Variants in LYN observed in about 807,000 individuals in gnomAD.
LYN encodes the protein LYN proto-oncogene, Src family tyrosine kinase.
Under a neutral mutation model 65.0 loss-of-function variants are expected in LYN, and 12 were observed. The ratio of observed to expected loss-of-function variants is 0.18; its 90% CI spans 0.12 to 0.30. LYN has a LOEUF of 0.30. LYN is among the 10% of genes least tolerant of loss of function. The pLI is 1.00. For missense variants in LYN, 380 were observed against 623.2 expected, an observed-to-expected ratio of 0.61 and a Z score of 4.16; for synonymous variants, 222 against 221.2, an observed-to-expected ratio of 1.00 and a Z score of -0.03.
chr8:55,942,391 A>T (rs369245450), intron 2 of LYN, among the ~76,000 whole-genome samples: 1 of 123,808 alleles, frequency 8.1e-6, no homozygotes, highest in African/African-American at 3.5e-5. Context: ...GTATATATAT[A>T]TGTGTATATA....
At position 55,948,031 on chromosome 8, in the gene LYN, T is replaced by C. The variant is rs148845334; in HGVS notation, c.284+308T>C. Among the ~76,000 whole-genome samples, 25 of 152,288 alleles carry C rather than the reference T, an allele frequency of 1.6e-4. No homozygotes were observed. In the East Asian group the frequency reaches 4.2e-3, roughly 26 times the overall value. On this transcript the variant is annotated intron_variant, in intron 4 of 12. Coordinates refer to ENST00000519728, the MANE Select transcript of LYN (RefSeq NM_002350.4). ...CTCTGTCATCCAGGCTAGAATGCAGTGGCATGATCATAGCTCACTGCAGCC... is the reference window on the plus strand; with the variant it reads ...CTCTGTCATCCAGGCTAGAATGCAGCGGCATGATCATAGCTCACTGCAGCC...
chr8:55,971,667 A>G (rs936357822), intron 10 of LYN, among the ~76,000 whole-genome samples: 2 of 152,254 alleles, frequency 1.3e-5, no homozygotes, highest in Non-Finnish European at 2.9e-5. Context: ...TTATTTTGTC[A>G]CATGGGTATT....
chr8:55,981,944 A>G (rs549641428), intron 10 of LYN, among the ~76,000 whole-genome samples: 1 of 152,214 alleles, frequency 6.6e-6, no homozygotes, highest in Non-Finnish European at 1.5e-5. Flanking sequence ...CGGCAGATGC[A>G]TTCTGCTTAA....
intron 1 of LYN, among the ~76,000 whole-genome samples, chr8:55,882,684 A>G (rs948727765): frequency 2.0e-5 from 3 of 152,200 alleles, no homozygotes; most frequent in African/African-American, 7.2e-5. Flanking sequence ...ATGATGGTGA[A>G]GGTGTTAGCA....
intron 10 of LYN, among the ~76,000 whole-genome samples, chr8:55,976,479 C>T (rs1041640598): frequency 2.0e-5 from 3 of 152,280 alleles, no homozygotes; most frequent in East Asian, 1.9e-4. Flanking sequence ...TGGTGTGGCC[C>T]GCTCCCTTTC....
intron 12 of LYN, among the ~76,000 whole-genome samples, chr8:56,004,374 A>G (rs1323963642): frequency 1.3e-5 from 2 of 149,538 alleles, no homozygotes; most frequent in Non-Finnish European, 3.0e-5. Flanking sequence ...GCTCACTGCA[A>G]CCTCCACCTC....
At position 55,940,521 on chromosome 8, in the gene LYN, G is replaced by A. The variant is rs554283094; in HGVS notation, c.-5-1334G>A. ...CTCCCGAGTAGCTGGGACTACAGGC[G>A]TGTGCCACCACGCCCAGCTAATTTT... On this transcript the variant is annotated intron_variant, in intron 1 of 12. Transcript: ENST00000519728. Among the ~76,000 whole-genome samples the A allele has an allele frequency of 7.4e-4, 113 of 152,224 alleles. 1 individual carries two copies. The East Asian group carries it at 0.015, about 21-fold the overall frequency.
At chr8:55,986,414 T>G (rs1808074563) in intron 10 of LYN, among the ~76,000 whole-genome samples, 1 of 152,212 alleles carries the variant, frequency 6.6e-6, no homozygotes, top group South Asian at 2.1e-4. Context: ...CCCAAAGACA[T>G]AGTTCAGTGA....
Position 55,952,069 on chromosome 8 carries a change from A to C in LYN, c.591A>C (p.Pro197=). 6.2e-7 allele frequency: 1 copy of C among 1,606,522 alleles called. No homozygotes were observed. Among genetic ancestry groups the C allele is most frequent in the African/African-American group, 1.3e-5 (1 of 74,506 alleles). The change falls in exon 7 of 13, where the codon CCA becomes CCC. Residue 197 remains proline (P), a synonymous_variant. Transcript: ENST00000519728. ...ATAATGGGGGCTATTACATCTCTCC[A>C]CGAATCACTTTTCCCTGTATCAGCG... is the stretch of plus-strand genomic sequence containing the variant. ...SLDNGGYYIS[P]RITFPCISDM...
At chr8:56,007,182 T>G (rs1228988278) in intron 12 of LYN, among the ~76,000 whole-genome samples, 1 of 152,246 alleles carries the variant, frequency 6.6e-6, no homozygotes, top group Non-Finnish European at 1.5e-5. Context: ...GAAAGAGATA[T>G]TCCAAACTGA....
chr8:55,996,973 T>C (rs755713431), intron 10 of LYN, among the ~76,000 whole-genome samples: 10 of 151,760 alleles, frequency 6.6e-5, no homozygotes, highest in Non-Finnish European at 1.5e-4. Context: ...ATACAAAAAC[T>C]AGCATGGTGA....
At chr8:55,924,552 C>T (rs56136409) in intron 1 of LYN, among the ~76,000 whole-genome samples, 4,258 of 151,460 alleles carry the variant, frequency 0.028, 123 homozygotes, top group African/African-American at 0.072. Flanking sequence ...TTAGTAGAAA[C>T]GGGGTTTCAC....
chr8:56,003,647 C>G (rs1808593187), intron 12 of LYN, among the ~76,000 whole-genome samples: 1 of 150,402 alleles, frequency 6.6e-6, no homozygotes, highest in African/African-American at 2.5e-5. Flanking sequence ...GCACTCCAGC[C>G]TGAGCTACAA....
At chr8:55,897,015 C>G (rs1279333047) in intron 1 of LYN, among the ~76,000 whole-genome samples, 1 of 152,190 alleles carries the variant, frequency 6.6e-6, no homozygotes, top group Non-Finnish European at 1.5e-5. Flanking sequence ...GCTGGAATTA[C>G]AGGCATGAGC....
intron 1 of LYN, among the ~76,000 whole-genome samples, chr8:55,908,365 C>T (rs1056381754): frequency 1.3e-5 from 2 of 151,970 alleles, no homozygotes; most frequent in African/African-American, 4.8e-5. Flanking sequence ...CTGCTGTGGC[C>T]TCCCAAGTAG....
intron 10 of LYN, among the ~76,000 whole-genome samples, chr8:55,996,220 T>C (rs1808369635): frequency 6.6e-6 from 1 of 151,552 alleles, no homozygotes; most frequent in South Asian, 2.1e-4. Flanking sequence ...CCATCTAGGG[T>C]GAGTAAAGGG....
intron 1 of LYN, among the ~76,000 whole-genome samples, chr8:55,881,018 A>G (rs138672337): frequency 6.6e-6 from 1 of 152,228 alleles, no homozygotes; most frequent in Non-Finnish European, 1.5e-5. Context: ...TTCTGGCTGT[A>G]TATTTAGGGG....
intron 8 of LYN, 26 bp downstream of exon 8, chr8:55,954,010 G>A: frequency 6.2e-7 from 1 of 1,611,552 alleles, no homozygotes; most frequent in Non-Finnish European, 8.5e-7. Context: ...GGGGATCTAT[G>A]TCCTTCTAGA....
chr8:55,894,937 C>T (rs1007782198), intron 1 of LYN, among the ~76,000 whole-genome samples: 2 of 152,140 alleles, frequency 1.3e-5, no homozygotes, highest in African/African-American at 4.8e-5. Context: ...TGTGCTTCAG[C>T]CTCCCAAAGT....
Sources: allele counts gnomAD v4.1 joint callset (sites outside exome capture counted in the v4.1 genomes callset), GRCh38; gene constraint gnomAD v4.1.1; transcripts MANE v1.5; gene names NCBI Gene and HGNC (gene_info 2026-07-23, HGNC 2026-07-21).